Variants in DCC observed in about 807,000 individuals in gnomAD.
The protein encoded by DCC is DCC netrin 1 receptor.
DCC carries 58 observed loss-of-function variants against 172.5 expected under a neutral mutation model. The observed-to-expected ratio is 0.34, with a 90% confidence interval of 0.27 to 0.42. The LOEUF (loss-of-function observed/expected upper bound fraction) is 0.42. Among genes scored for constraint, DCC ranks in the 10% least tolerant of loss-of-function variants. DCC has a pLI of 1.00. For synonymous variants in DCC, 709 were observed against 644.5 expected, an observed-to-expected ratio of 1.10 and a Z score of -1.52; for missense variants, 1,740 against 1,791.0, an observed-to-expected ratio of 0.97 and a Z score of 0.51.
At chr18:53,140,699 T>C (rs1052919257) in intron 7 of DCC, among the ~76,000 whole-genome samples, 1 of 152,062 alleles carries the variant, frequency 6.6e-6, no homozygotes, top group African/African-American at 2.4e-5. Flanking sequence ...TTGATTTTTG[T>C]ATAAAGACTA....
intron 1 of DCC, among the ~76,000 whole-genome samples, chr18:52,465,561 T>A (rs573893872): frequency 8.5e-5 from 13 of 152,276 alleles, no homozygotes; most frequent in Non-Finnish European, 1.5e-4. Context: ...GGACTTGGGC[T>A]TCACAATAGA....
At chr18:53,326,998 AT>A (rs2057475355) in intron 14 of DCC, among the ~76,000 whole-genome samples, 1 of 152,190 alleles carries the variant, frequency 6.6e-6, no homozygotes, top group Non-Finnish European at 1.5e-5. Flanking sequence ...TCATTACTGC[AT>A]AACTCTGAGC....
chr18:53,032,655 A>T (rs999449480), intron 5 of DCC, among the ~76,000 whole-genome samples: 10 of 152,240 alleles, frequency 6.6e-5, no homozygotes, highest in Admixed American at 5.2e-4. Context: ...ATATGGAAAA[A>T]ATGAATAAGA....
intron 8 of DCC, among the ~76,000 whole-genome samples, chr18:53,169,789 A>C (rs2054985007): frequency 1.3e-5 from 2 of 152,154 alleles, no homozygotes; most frequent in Non-Finnish European, 2.9e-5. Flanking sequence ...CTCATTATTC[A>C]CTGTTCTCTT....
At chr18:53,306,917 C>T (rs534824368) in intron 13 of DCC, among the ~76,000 whole-genome samples, 2 of 152,288 alleles carry the variant, frequency 1.3e-5, no homozygotes, top group South Asian at 4.1e-4. Context: ...AAGCACATGA[C>T]TTACAATTTA....
chr18:53,318,604 G>A (rs2057371107), intron 13 of DCC, among the ~76,000 whole-genome samples: 1 of 152,122 alleles, frequency 6.6e-6, no homozygotes, highest in Non-Finnish European at 1.5e-5. Flanking sequence ...CACTATTATT[G>A]AGTGGGAGTC....
intron 12 of DCC, among the ~76,000 whole-genome samples, chr18:53,226,934 G>GTT (rs34949557): frequency 1.5e-5 from 1 of 68,162 alleles, no homozygotes; most frequent in Non-Finnish European, 3.0e-5. Context: ...GTGTGTGTGT[G>GTT]TATATATATA....
intron 12 of DCC, among the ~76,000 whole-genome samples, chr18:53,221,671 G>A (rs1276089044): frequency 2.0e-5 from 3 of 152,096 alleles, no homozygotes; most frequent in African/African-American, 7.2e-5. Context: ...TTATAAATGA[G>A]CAAAGAAACC....
intron 8 of DCC, among the ~76,000 whole-genome samples, chr18:53,172,813 A>G (rs1456106148): frequency 6.6e-6 from 1 of 151,992 alleles, no homozygotes; most frequent in Non-Finnish European, 1.5e-5. Flanking sequence ...GAAGTTCCTT[A>G]TTTTTCCACT....
intron 1 of DCC, among the ~76,000 whole-genome samples, chr18:52,389,837 T>C (rs1985961087): frequency 6.6e-6 from 1 of 152,112 alleles, no homozygotes; most frequent in Non-Finnish European, 1.5e-5. Flanking sequence ...AAGTCTGGCA[T>C]ACAGTGTATA....
intron 2 of DCC, among the ~76,000 whole-genome samples, chr18:52,856,457 C>CTACTAAAAAA: frequency 6.6e-6 from 1 of 151,348 alleles, no homozygotes; most frequent in East Asian, 2.0e-4. Flanking sequence ...AACACCGTCT[C>CTACTAAAAAA]TACTAAAAAA....
intron 15 of DCC, among the ~76,000 whole-genome samples, chr18:53,384,130 A>G (rs1599090142): frequency 6.6e-6 from 1 of 152,136 alleles, no homozygotes; most frequent in East Asian, 1.9e-4. Context: ...GTATATGCCT[A>G]AAGCTCATTT....
chr18:52,360,225 A>G (rs771324955), intron 1 of DCC, among the ~76,000 whole-genome samples: 1 of 152,188 alleles, frequency 6.6e-6, no homozygotes, highest in African/African-American at 2.4e-5. Context: ...TAAAAATTCA[A>G]TTTTCTGTTA....
chr18:53,478,207 G>A (rs972025310), intron 25 of DCC, among the ~76,000 whole-genome samples: 16 of 152,198 alleles, frequency 1.1e-4, no homozygotes, highest in African/African-American at 3.4e-4. Context: ...AAGCAAGTGG[G>A]GCTGGCCTTC....
At chr18:52,513,267 G>A (rs1374129975) in intron 1 of DCC, among the ~76,000 whole-genome samples, 3 of 152,020 alleles carry the variant, frequency 2.0e-5, no homozygotes, top group Admixed American at 6.5e-5. Flanking sequence ...TTTATATTTG[G>A]CAATGCACCA....
chr18:53,132,171 C>G (rs1029998188), intron 7 of DCC, among the ~76,000 whole-genome samples: 1 of 151,886 alleles, frequency 6.6e-6, no homozygotes, highest in Non-Finnish European at 1.5e-5. Flanking sequence ...CAGATGGAGA[C>G]AGATTTCCCA....
intron 5 of DCC, among the ~76,000 whole-genome samples, chr18:52,963,954 T>A (rs2040887351): frequency 6.6e-6 from 1 of 152,114 alleles, no homozygotes; most frequent in African/African-American, 2.4e-5. Context: ...CTTGAGAGAT[T>A]TTAAAAAGGT....
intron 3 of DCC, among the ~76,000 whole-genome samples, chr18:52,910,558 G>A (rs554183479): frequency 2.0e-5 from 3 of 152,260 alleles, no homozygotes; most frequent in African/African-American, 7.2e-5. Flanking sequence ...GTCTGATTGT[G>A]TGTGATGGCG....
chr18:52,531,601 G>A lies in DCC; in HGVS notation c.91+190723G>A, dbSNP rs139209451. On this transcript the variant is annotated intron_variant, in intron 1 of 28. Coordinates refer to ENST00000442544, the MANE Select transcript of DCC (RefSeq NM_005215.4). ...AATTGAAATATGTTTCTCTGTGTGT[G>A]TGTGTCTGATCTATAGCCTGTCTGG... Among the ~76,000 whole-genome samples the A allele has an allele frequency of 1.5e-4, 23 of 152,202 alleles. No individual in the cohort carries two copies. The East Asian group carries it at 4.1e-3, about 27-fold the overall frequency.
Sources: gnomAD v4.1 joint callset for allele counts (sites outside exome capture counted in the v4.1 genomes callset) on GRCh38, gnomAD v4.1.1 for gene constraint, MANE v1.5 for transcripts, NCBI Gene and HGNC (gene_info 2026-07-23, HGNC 2026-07-21) for gene names.